COLEC12: variants seen among roughly 807,000 people sequenced by gnomAD.
The protein encoded by COLEC12 is collectin subfamily member 12.
In COLEC12, 33 loss-of-function variants were observed where a neutral mutation model predicts 71.1. That is an observed-to-expected ratio of 0.46 (90% CI 0.35 to 0.62). The LOEUF is 0.62. Among genes scored for constraint, COLEC12 ranks in the 20% least tolerant of loss-of-function variants. COLEC12 has a pLI of 0.00. For missense variants in COLEC12, 765 were observed against 916.1 expected, an observed-to-expected ratio of 0.84 and a Z score of 2.13; for synonymous variants, 350 against 353.0, an observed-to-expected ratio of 0.99 and a Z score of 0.10.
In COLEC12 at chr18:334,803, T is replaced by C. The variant is rs148864903; in HGVS notation, c.1755A>G (p.Pro585=). Residue 585 remains proline (P), a synonymous_variant, in exon 6 of 10, where the codon CCA becomes CCG. Coordinates refer to ENST00000400256, the MANE Select transcript of COLEC12 (RefSeq NM_130386.3). ...GGGCCAGGGGCACCACCGCTCCTGATGGGCCAGGAGGGCCGGGGGGGCCCT... is the reference window on the plus strand; with the variant it reads ...GGGCCAGGGGCACCACCGCTCCTGACGGGCCAGGAGGGCCGGGGGGGCCCT... ...GPKGPPGPPG[P]SGAVVPLALQ... is the part of the protein sequence containing the mutation. 1,290 of 1,507,142 alleles carry C rather than the reference T, an allele frequency of 8.6e-4. 14 individuals carry two copies. In the African/African-American group the frequency reaches 0.017, roughly 20 times the overall value. 93.4% of individuals were successfully genotyped at this position (1,507,142 alleles called of 1,614,324 possible).
At chr18:361,349 C>T (rs781624252) in intron 2 of COLEC12, among the ~76,000 whole-genome samples, 2 of 152,150 alleles carry the variant, frequency 1.3e-5, no homozygotes, top group African/African-American at 4.8e-5. Flanking sequence ...CTCTAGTCAT[C>T]GTTTCCTCTC....
At chr18:335,545 TAAAGA>T (rs1254908606) in intron 5 of COLEC12, among the ~76,000 whole-genome samples, 3 of 152,052 alleles carry the variant, frequency 2.0e-5, no homozygotes, top group Admixed American at 6.5e-5. Flanking sequence ...CTGGTGTACT[TAAAGA>T]AGAGGGGATT....
At chr18:363,779 C>T (rs908405428) in intron 2 of COLEC12, among the ~76,000 whole-genome samples, 1 of 152,094 alleles carries the variant, frequency 6.6e-6, no homozygotes, top group Non-Finnish European at 1.5e-5. Flanking sequence ...ATGATGAAGG[C>T]TATTTACTAA....
rs1255469977 is a variant in COLEC12 at position 327,249 on chromosome 18, A to AT, written c.2063+4418dup. ...TGGAAATAATTATAGGTTTATTATT[A>AT]TTTTTTTTAATGCTGAGATTTGCTG... On this transcript the variant is annotated intron_variant, in intron 8 of 9. Coordinates refer to ENST00000400256, the MANE Select transcript of COLEC12 (RefSeq NM_130386.3). This position sits in a 1 kb window ranked among gnomAD's most constrained non-coding sequence, Gnocchi z 4.0. 2.0e-5 allele frequency among the ~76,000 whole-genome samples: 3 copies of AT among 152,106 alleles called. No homozygotes were observed. The highest frequency in any genetic ancestry group is 2.1e-4 in the South Asian group (1 of 4,820).
chr18:430,838 A>G lies in COLEC12; in HGVS notation c.58+49869T>C, dbSNP rs1436137272. ...AATAAAACTAATTTCCTAAACAAAT[A>G]TATTTTGTTAACCCAAGGGGCCACA... On this transcript the variant is annotated intron_variant, in intron 2 of 9. Transcript: ENST00000400256. Among the ~76,000 whole-genome samples, 6 of 152,202 alleles carry G rather than the reference A, an allele frequency of 3.9e-5. No individual in the cohort carries two copies. The East Asian group carries it at 1.2e-3, about 29-fold the overall frequency.
intron 2 of COLEC12, among the ~76,000 whole-genome samples, chr18:398,727 AAAG>A (rs1915620018): frequency 6.6e-6 from 1 of 152,256 alleles, no homozygotes; most frequent in South Asian, 2.1e-4. Flanking sequence ...AATGAACTTC[AAAG>A]AAGTCAACAA....
At position 331,660 on chromosome 18, in the gene COLEC12, GTACT is replaced by G. The variant is rs1301489519; in HGVS notation, c.2063+4_2063+7del. The G allele has an allele frequency of 6.4e-7, 1 of 1,562,610 alleles. No homozygotes were observed. The highest frequency in any genetic ancestry group is 1.1e-5 in the South Asian group (1 of 90,092). ...TGACCACCAATCTGGAAGCTTCTGAGTACTTACTTGTAGTCTGGAGATGTCCCAT... is the reference window on the plus strand; with the variant it reads ...TGACCACCAATCTGGAAGCTTCTGAGTACTTGTAGTCTGGAGATGTCCCAT... On this transcript the variant is annotated splice_donor_5th_base_variant and intron_variant, in intron 8 of 9. Transcript: ENST00000400256.
chr18:492,668 A>G (rs1567925060), intron 1 of COLEC12, among the ~76,000 whole-genome samples: 1 of 151,968 alleles, frequency 6.6e-6, no homozygotes, highest in Non-Finnish European at 1.5e-5. Context: ...GGCAAGAAAA[A>G]CTAATGCTGT....
intron 2 of COLEC12, among the ~76,000 whole-genome samples, chr18:391,537 C>A (rs961019506): frequency 2.0e-5 from 3 of 152,138 alleles, no homozygotes; most frequent in African/African-American, 7.2e-5. Context: ...CTATACTGAG[C>A]ACCTATGGCT....
intron 5 of COLEC12, among the ~76,000 whole-genome samples, chr18:338,324 T>C (rs1914165225): frequency 6.6e-6 from 1 of 152,208 alleles, no homozygotes; most frequent in Non-Finnish European, 1.5e-5. Context: ...CAAGTGTTTA[T>C]CAAATACATG....
intron 2 of COLEC12, among the ~76,000 whole-genome samples, chr18:452,431 C>G (rs557468577): frequency 2.0e-4 from 31 of 152,330 alleles, no homozygotes; most frequent in Non-Finnish European, 3.8e-4. Flanking sequence ...ATGGTAAGCT[C>G]TCACTAAATG....
Position 346,858 on chromosome 18 carries a change from G to A in COLEC12, c.764C>T (p.Thr255Met), listed in dbSNP as rs371887800. 1.9e-5 allele frequency: 31 copies of A among 1,614,028 alleles called. No homozygotes were observed. The highest frequency in any genetic ancestry group is 1.0e-4 in the Admixed American group (6 of 60,006). ...CTGCACTTTCTCCTTCAGCCAATCC[G>A]TGTCCTTCTTGGCTTGAAGAAAAAC... ...QQVFLQAKKDTDWLKEKVQSL... is the reference protein window; with the variant it reads ...QQVFLQAKKDMDWLKEKVQSL... Residue 255 changes from threonine to methionine, a missense_variant, in exon 5 of 10, where the codon ACG (threonine) becomes ATG (methionine). By Grantham distance (81) the Thr-to-Met change is moderately conservative. Coordinates refer to ENST00000400256, the MANE Select transcript of COLEC12 (RefSeq NM_130386.3). The surrounding 1 kb of genome is among the most constrained non-coding windows in gnomAD (Gnocchi z 4.0).
chr18:373,099 C>T (rs936834704), intron 2 of COLEC12, among the ~76,000 whole-genome samples: 2 of 152,148 alleles, frequency 1.3e-5, no homozygotes, highest in Non-Finnish European at 2.9e-5. Context: ...GTGATAAGAG[C>T]CTCTTAGTTT....
chr18:427,574 G>C (rs1303139471), intron 2 of COLEC12, among the ~76,000 whole-genome samples: 1 of 147,098 alleles, frequency 6.8e-6, no homozygotes, highest in Non-Finnish European at 1.5e-5. Context: ...CAGCCCTCTT[G>C]AAAGAAAAGT....
chr18:437,939 C>T (rs1360885414), intron 2 of COLEC12, among the ~76,000 whole-genome samples: 1 of 152,204 alleles, frequency 6.6e-6, no homozygotes, highest in Non-Finnish European at 1.5e-5. Flanking sequence ...TCATAGCACA[C>T]ATAGTTCCAA....
At chr18:341,795 G>A (rs1472116302) in intron 5 of COLEC12, among the ~76,000 whole-genome samples, 1 of 152,198 alleles carries the variant, frequency 6.6e-6, no homozygotes, top group Non-Finnish European at 1.5e-5. Flanking sequence ...CTGAGAGGAT[G>A]AGGAACTTGG....
intron 2 of COLEC12, among the ~76,000 whole-genome samples, chr18:409,884 A>T (rs1448633785): frequency 1.3e-5 from 2 of 152,234 alleles, no homozygotes; most frequent in East Asian, 3.9e-4. Flanking sequence ...AGGAGGAAAG[A>T]TCATCTCTGT....
intron 2 of COLEC12, among the ~76,000 whole-genome samples, chr18:476,588 C>T (rs202195235): frequency 2.2e-5 from 3 of 138,538 alleles, no homozygotes; most frequent in African/African-American, 5.1e-5. Context: ...CTAGCGCCCC[C>T]GCCCCAGTGC....
At chr18:332,473 T>C (rs1280560324) in intron 7 of COLEC12, among the ~76,000 whole-genome samples, 1 of 152,156 alleles carries the variant, frequency 6.6e-6, no homozygotes, top group Middle Eastern at 3.2e-3. Context: ...TTCCTAGCCG[T>C]CAAATGAGGG....
Sources: allele counts gnomAD v4.1 joint callset (sites outside exome capture counted in the v4.1 genomes callset), GRCh38; gene constraint gnomAD v4.1.1; non-coding constraint Gnocchi (gnomAD v3.1); transcripts MANE v1.5; gene names NCBI Gene and HGNC (gene_info 2026-07-23, HGNC 2026-07-21).